Variants in CHSY3 observed in about 807,000 individuals in gnomAD.
CHSY3 encodes N-acetylgalactosaminyl-proteoglycan 3-beta-glucuronosyltransferase 3.
In CHSY3, 35 loss-of-function variants were observed where a neutral mutation model predicts 67.2. The ratio of observed to expected loss-of-function variants is 0.52; its 90% CI spans 0.40 to 0.69. The LOEUF is 0.69. CHSY3 is among the 30% of genes least tolerant of loss of function. The pLI is 0.00. For missense variants in CHSY3, 1,069 were observed against 1,138.5 expected (o/e 0.94, Z 0.88); for synonymous variants, 474 against 434.7 (o/e 1.09, Z -1.12).
At chr5:130,103,789 A>G (rs1245406099) in intron 2 of CHSY3, among the ~76,000 whole-genome samples, 1 of 151,962 alleles carries the variant, frequency 6.6e-6, no homozygotes, top group Non-Finnish European at 1.5e-5. Context: ...CAGGCCTTGT[A>G]TTACCTATCA....
intron 2 of CHSY3, among the ~76,000 whole-genome samples, chr5:130,040,584 T>A (rs934104828): frequency 9.9e-5 from 15 of 152,282 alleles, no homozygotes; most frequent in Admixed American, 6.5e-4. Context: ...CTGGCTTTAA[T>A]GCTTTCAATA....
At chr5:130,008,160 G>T (rs1438889521) in intron 2 of CHSY3, among the ~76,000 whole-genome samples, 1 of 152,186 alleles carries the variant, frequency 6.6e-6, no homozygotes, top group Non-Finnish European at 1.5e-5. Flanking sequence ...GCCAGCGCTG[G>T]TGCACATACA....
chr5:130,051,928 G>A (rs1324939421), intron 2 of CHSY3, among the ~76,000 whole-genome samples: 4 of 134,450 alleles, frequency 3.0e-5, no homozygotes, highest in Non-Finnish European at 6.3e-5. Context: ...ACAACTGTGT[G>A]CATTAAAATT....
rs535568947 is a variant in CHSY3, at chr5:130,132,648, A to G, written c.1087-51581A>G. On this transcript the variant is annotated intron_variant, in intron 2 of 2. Coordinates refer to ENST00000305031, the MANE Select transcript of CHSY3 (RefSeq NM_175856.5). ...GGGTAGCAAGAATGACTTGATTGAT[A>G]CAGATAGCCCAGTGGTTCTCAACAG... 5.9e-5 allele frequency among the ~76,000 whole-genome samples: 9 copies of G among 152,316 alleles called. No homozygotes were observed. The East Asian group carries it at 1.7e-3, about 29-fold the overall frequency.
At chr5:130,102,594 G>C (rs751621362) in intron 2 of CHSY3, among the ~76,000 whole-genome samples, 1 of 151,832 alleles carries the variant, frequency 6.6e-6, no homozygotes, top group African/African-American at 2.4e-5. Context: ...TTTCAGATGG[G>C]GCTAGTCACA....
chr5:130,143,756 A>ATATATATATGTG (rs1433405052), intron 2 of CHSY3, among the ~76,000 whole-genome samples: 23 of 101,914 alleles, frequency 2.3e-4, no homozygotes, highest in African/African-American at 9.5e-4. Context: ...ATATATATAT[A>ATATATATATGTG]TGTGTGTGTG....
chr5:129,973,322 T>A (rs1762698852), intron 2 of CHSY3, among the ~76,000 whole-genome samples: 1 of 152,162 alleles, frequency 6.6e-6, no homozygotes. Flanking sequence ...TCTAGAATTC[T>A]ATCCATAGTC....
intron 2 of CHSY3, among the ~76,000 whole-genome samples, chr5:130,036,856 T>C (rs1013554501): frequency 5.3e-5 from 8 of 152,202 alleles, no homozygotes; most frequent in African/African-American, 1.9e-4. Context: ...GAAGAATAAC[T>C]CCACAACTCC....
rs1355240592 is a variant in CHSY3, at chr5:130,141,543, C to T, written c.1087-42686C>T. 1.2e-5 allele frequency: 5 copies of T among 400,176 alleles called. No individual in the cohort carries two copies. In the Admixed American group the frequency reaches 1.4e-4, roughly 11 times the overall value. The allele number at this position is 400,176 out of a possible 1,614,324, so 24.8% of individuals were successfully genotyped here. On this transcript the variant is annotated intron_variant, in intron 2 of 2. Transcript: ENST00000305031. ...AAGTTATTATCACTAATGACAAGGG[C>T]CATTTGAGCAAGGAAGACATTGAAT... is the stretch of plus-strand genomic sequence containing the variant.
chr5:129,960,985 G>T (rs888402537), intron 2 of CHSY3, among the ~76,000 whole-genome samples: 2 of 152,010 alleles, frequency 1.3e-5, no homozygotes, highest in Non-Finnish European at 2.9e-5. Flanking sequence ...GACAATTTCC[G>T]CAGTATGTTC....
chr5:129,968,901 A>T (rs978895305), intron 2 of CHSY3, among the ~76,000 whole-genome samples: 9 of 151,926 alleles, frequency 5.9e-5, no homozygotes, highest in Admixed American at 5.9e-4. Context: ...CAGTTAACTG[A>T]GTCAGAATCT....
intron 2 of CHSY3, among the ~76,000 whole-genome samples, chr5:130,179,660 T>G (rs762461588): frequency 8.5e-5 from 13 of 152,158 alleles, no homozygotes; most frequent in Non-Finnish European, 1.6e-4. Flanking sequence ...CAAAACCAGG[T>G]GCCTAATGTT....
intron 2 of CHSY3, among the ~76,000 whole-genome samples, chr5:129,963,444 C>T (rs1421018088): frequency 6.6e-6 from 1 of 151,998 alleles, no homozygotes; most frequent in Non-Finnish European, 1.5e-5. Flanking sequence ...TGTGCTTCCC[C>T]TCATGGGACT....
intron 2 of CHSY3, among the ~76,000 whole-genome samples, chr5:130,057,665 A>G (rs1414440771): frequency 6.6e-6 from 1 of 152,210 alleles, no homozygotes; most frequent in Non-Finnish European, 1.5e-5. Context: ...TGTAAGTATA[A>G]AAGGACTAAT....
intron 2 of CHSY3, among the ~76,000 whole-genome samples, chr5:130,014,524 C>T (rs1764157399): frequency 6.6e-6 from 1 of 152,122 alleles, no homozygotes; most frequent in Non-Finnish European, 1.5e-5. Context: ...ACACTCATAA[C>T]CATCAGATCT....
chr5:129,925,287 T>C (rs1761066373), intron 2 of CHSY3, among the ~76,000 whole-genome samples: 1 of 152,078 alleles, frequency 6.6e-6, no homozygotes, highest in Non-Finnish European at 1.5e-5. Flanking sequence ...TATATAAACA[T>C]TCAGGGAGAA....
chr5:130,160,650 T>C (rs1185487225), intron 2 of CHSY3, among the ~76,000 whole-genome samples: 1 of 152,162 alleles, frequency 6.6e-6, no homozygotes, highest in African/African-American at 2.4e-5. Context: ...CCCAATTAAA[T>C]GCAATGTCCT....
At chr5:129,982,750 A>G (rs1763057764) in intron 2 of CHSY3, among the ~76,000 whole-genome samples, 1 of 152,074 alleles carries the variant, frequency 6.6e-6, no homozygotes, top group Admixed American at 6.5e-5. Flanking sequence ...GAAGTTATAT[A>G]AACACTGAGA....
intron 2 of CHSY3, among the ~76,000 whole-genome samples, chr5:130,183,935 A>G (rs573559996): frequency 6.6e-6 from 1 of 150,394 alleles, no homozygotes; most frequent in East Asian, 1.9e-4. Flanking sequence ...GAGGTAATGA[A>G]TACATCAATT....
Sources: gnomAD v4.1 joint callset for allele counts (sites outside exome capture counted in the v4.1 genomes callset) on GRCh38, gnomAD v4.1.1 for gene constraint, MANE v1.5 for transcripts, NCBI Gene and HGNC (gene_info 2026-07-23, HGNC 2026-07-21) for gene names.